KIFC2: variants seen among roughly 807,000 people sequenced by gnomAD.
The protein encoded by KIFC2 is kinesin-like protein KIFC2.
KIFC2 carries 94 observed loss-of-function variants against 91.5 expected under a neutral mutation model. The observed-to-expected ratio is 1.03, with a 90% CI of 0.87 to 1.22. KIFC2 has a LOEUF of 1.22. KIFC2 is among the 50% of genes most tolerant of loss of function. KIFC2 has a pLI of 0.00. For synonymous variants in KIFC2, 729 were observed against 503.9 expected (o/e 1.45, Z -5.98); for missense variants, 1,357 against 1,103.3 (o/e 1.23, Z -3.26).
Position 144,472,906 on chromosome 8 carries a change from C to A in KIFC2, c.1973C>A (p.Thr658Asn). The A allele has an allele frequency of 6.6e-7, 1 of 1,503,800 alleles. No homozygotes were observed. 93.2% of individuals were successfully genotyped at this position (1,503,800 alleles called of 1,614,324 possible). Residue 658 changes from threonine to asparagine, a missense_variant, in exon 17 of 18, where the codon ACC becomes AAC. Physicochemically the swap from Thr to Asn is moderately conservative, Grantham distance 65. Coordinates refer to ENST00000645548, the MANE Select transcript of KIFC2 (RefSeq NM_001369769.2). Reference sequence around the variant, plus strand: ...GCCCGGCGCCTGCGGGAGGCCCAGACCATAAACCGCTCGCTGCTGGCGCTA... The same window carrying A: ...GCCCGGCGCCTGCGGGAGGCCCAGAACATAAACCGCTCGCTGCTGGCGCTA... ...DGARRLREAQ[T>N]INRSLLALGG... is the part of the protein sequence containing the mutation.
chr8:144,467,160 C>T (rs1824694643), intron 3 of KIFC2, 43 bp from the exon 4 acceptor site: 1 of 1,612,886 alleles, frequency 6.2e-7, no homozygotes, highest in African/African-American at 1.3e-5. Context: ...CCCCGGCCTT[C>T]CTGGCTTTCA....
In KIFC2 at chr8:144,467,938, G is replaced by T; in HGVS notation, c.761G>T (p.Arg254Leu). 6.2e-7 allele frequency: 1 copy of T among 1,607,192 alleles called. No individual in the cohort carries two copies. The part of the protein sequence containing the change: ...EALKQSLSLM[R>L]DLLLHWGPGP... ...CTGAAGCAGAGCCTGAGTCTCATGC[G>T]GGACCTCCTGCTGCACTGGGGCCCC... Residue 254 changes from arginine to leucine, a missense_variant, in exon 7 of 18, where the codon CGG (arginine) becomes CTG (leucine). Physicochemically the swap from Arg to Leu is moderately radical, Grantham distance 102. Transcript: ENST00000645548.
chr8:144,472,726 A>T lies in KIFC2; in HGVS notation c.1861+20A>T. 6.3e-7 allele frequency: 1 copy of T among 1,592,298 alleles called. No individual in the cohort carries two copies. The highest frequency in any genetic ancestry group is 8.5e-7 in the Non-Finnish European group (1 of 1,176,912). Reference sequence around the variant, plus strand: ...CCGCAGGTACCACGGCCGGTGCCTGAGCCCTGCGGAGTCTCCAGAGCACCC... The same window carrying T: ...CCGCAGGTACCACGGCCGGTGCCTGTGCCCTGCGGAGTCTCCAGAGCACCC... On this transcript the variant is annotated intron_variant, in intron 16 of 17. Coordinates refer to ENST00000645548, the MANE Select transcript of KIFC2 (RefSeq NM_001369769.2).
rs746497996 is a variant in KIFC2, at chr8:144,473,176, C to A, written c.2163C>A (p.Leu721=). Residue 721 remains leucine, a synonymous_variant, in exon 18 of 18, where the codon CTC becomes CTA. Transcript: ENST00000645548. The part of the protein sequence containing the change: ...PEDLGETVCS[L]KFADRVGQVE... ...ATCTCGGGGAGACAGTCTGCTCCCT[C>A]AAGTTCGCCGACCGAGTGGGTCAAG... The A allele has an allele frequency of 5.7e-6, 9 of 1,579,534 alleles. No homozygotes were observed. The East Asian group carries it at 2.1e-4, about 37-fold the overall frequency.
chr8:144,467,339 A>T lies in KIFC2; in HGVS notation c.467A>T (p.Asp156Val), dbSNP rs773802755. 1.9e-6 allele frequency: 3 copies of T among 1,604,082 alleles called. No individual in the cohort carries two copies. Among genetic ancestry groups the T allele is most frequent in the Admixed American group, 3.4e-5 (2 of 58,384 alleles). The part of the protein sequence containing the change: ...PAPRVRPPSP[D>V]GSTSQEESPS... ...CCTCGGGTCCGGCCCCCCTCTCCAGATGGTGAGTAAAGGACAGTAAGTTGA... is the reference window on the plus strand; with the variant it reads ...CCTCGGGTCCGGCCCCCCTCTCCAGTTGGTGAGTAAAGGACAGTAAGTTGA... Residue 156 changes from aspartate (D) to valine (V), a missense_variant and splice_region_variant, in exon 4 of 18, where the codon GAT (aspartate) becomes GTT (valine). Transcript: ENST00000645548.
chr8:144,468,945 C>T, intron 10 of KIFC2, 111 bp downstream of exon 10: 1 of 832,186 alleles, frequency 1.2e-6, no homozygotes, highest in Non-Finnish European at 1.9e-6. Flanking sequence ...GCTCTGGAAC[C>T]CAAACAGCTT....
In KIFC2 at chr8:144,467,720, GAGCTGAAGCAGC is replaced by G; in HGVS notation, c.628_639del (p.Lys210_Leu213del). The G allele has an allele frequency of 6.2e-7, 1 of 1,613,880 alleles. No individual in the cohort carries two copies. Among genetic ancestry groups the G allele is most frequent in the Non-Finnish European group, 8.5e-7 (1 of 1,179,950 alleles). ...CTCTCTTACTTCTCCCCAGCTGGAG[GAGCTGAAGCAGC>G]AGCTGGAACAGCAGGAGGAGGAGTT... On this transcript the variant is annotated inframe_deletion, in exon 6 of 18. Transcript: ENST00000645548.
chr8:144,469,075 T>C (rs1357704264), intron 10 of KIFC2, among the ~76,000 whole-genome samples, 196 bp from the exon 11 acceptor site: 1 of 152,198 alleles, frequency 6.6e-6, no homozygotes, highest in African/African-American at 2.4e-5. Context: ...GATGTGGTGT[T>C]CCTGCCTGTC....
At chr8:144,467,141 T>C (rs769483233) in intron 3 of KIFC2, 31 bp downstream of exon 3, 1 of 1,610,364 alleles carries the variant, frequency 6.2e-7, no homozygotes. Flanking sequence ...TGCTGGCAGG[T>C]ACCACCTGCC....
At chr8:144,468,497 C>G (rs1417721097) in intron 8 of KIFC2, 39 bp from the exon 9 acceptor site, 2 of 1,098,036 alleles carry the variant, frequency 1.8e-6, no homozygotes, top group East Asian at 5.9e-5. Flanking sequence ...TGGTAAGTGC[C>G]TGTTTCCTCA....
chr8:144,468,245 C>T (rs531396107), intron 7 of KIFC2, 84 bp from the exon 8 acceptor site: 142 of 1,285,334 alleles, frequency 1.1e-4, no homozygotes, highest in Middle Eastern at 1.8e-4. Context: ...GCTCTGCCCA[C>T]CTCTTGACTT....
chr8:144,473,541 C>G lies in KIFC2; in HGVS notation c.*152C>G. On this transcript the variant is annotated 3_prime_UTR_variant, in exon 18 of 18. Coordinates refer to ENST00000645548, the MANE Select transcript of KIFC2 (RefSeq NM_001369769.2). ...AGCTCCCAGAGTCACCCCTCCACCTCCGCAGCCAGTGAAGTGTGTTGTGCC... is the reference window on the plus strand; with the variant it reads ...AGCTCCCAGAGTCACCCCTCCACCTGCGCAGCCAGTGAAGTGTGTTGTGCC... 1 of 1,212,576 alleles carries G rather than the reference C, an allele frequency of 8.2e-7. No homozygotes were observed. Among genetic ancestry groups the G allele is most frequent in the Non-Finnish European group, 1.1e-6 (1 of 904,980 alleles). 75.1% of individuals were successfully genotyped at this position (1,212,576 alleles called of 1,614,324 possible).
At chr8:144,466,236 G>A (rs906021494), upstream of KIFC2, 2 of 193,720 alleles carry the variant, frequency 1.0e-5, no homozygotes, top group East Asian at 2.7e-4. Context: ...CGGGTCTCCA[G>A]GTGCGGCCGC....
chr8:144,466,620 GGCCGT>G, intron 1 of KIFC2, 102 bp downstream of exon 1: 1 of 870,536 alleles, frequency 1.1e-6, no homozygotes, highest in Admixed American at 4.3e-5. Context: ...GGGGCGACGG[GGCCGT>G]GCCGAGGACC....
chr8:144,472,311 T>TC, intron 14 of KIFC2, 50 bp from the exon 15 acceptor site: 1 of 1,613,420 alleles, frequency 6.2e-7, no homozygotes, highest in East Asian at 2.2e-5. Context: ...CCAGGGCCCT[T>TC]CCGGATTTCC....
At chr8:144,471,334 G>T (rs1339701079) in intron 12 of KIFC2, among the ~76,000 whole-genome samples, 1 of 142,986 alleles carries the variant, frequency 7.0e-6, no homozygotes, top group Non-Finnish European at 1.5e-5. Context: ...TTTTTTTTTG[G>T]ACAGTCACAC....
chr8:144,466,474 G>T lies in KIFC2; in HGVS notation c.55G>T (p.Asp19Tyr). The T allele has an allele frequency of 1.5e-6, 2 of 1,346,024 alleles. No individual in the cohort carries two copies. Among genetic ancestry groups the T allele is most frequent in the Non-Finnish European group, 1.9e-6 (2 of 1,038,868 alleles). The allele number at this position is 1,346,024 out of a possible 1,614,324, so 83.4% of individuals were successfully genotyped here. Residue 19 changes from aspartate to tyrosine, a missense_variant, in exon 1 of 18, where the codon GAT (aspartate) becomes TAT (tyrosine). Asp to Tyr is a radical substitution (Grantham distance 160). Coordinates refer to ENST00000645548, the MANE Select transcript of KIFC2 (RefSeq NM_001369769.2). ...CATCTTCTACAGCCTCTTCCGCAGGGATGGTGGCGCCGCGGCGGCCGCGGA... is the reference window on the plus strand; with the variant it reads ...CATCTTCTACAGCCTCTTCCGCAGGTATGGTGGCGCCGCGGCGGCCGCGGA... ...IYIFYSLFRR[D>Y]GGAAAAAEPG...
At chr8:144,467,674 G>C in intron 5 of KIFC2, 40 bp from the exon 6 acceptor site, 1 of 1,607,972 alleles carries the variant, frequency 6.2e-7, no homozygotes, top group Admixed American at 1.7e-5. Flanking sequence ...TGGGACGCCA[G>C]AAAAAGGAGG....
chr8:144,472,669 G>A lies in KIFC2; in HGVS notation c.1824G>A (p.Leu608=). Residue 608 remains leucine (L), a synonymous_variant, in exon 16 of 18, where the codon CTG becomes CTA. Coordinates refer to ENST00000645548, the MANE Select transcript of KIFC2 (RefSeq NM_001369769.2). ...CGCATGCCCTGGTCACGCTGACGCT[G>A]CGCGCGGCGTCTCCACCGCGCGCTC... ...SRSHALVTLT[L]RAASPPRAPG... is the part of the protein sequence containing the mutation. 2.5e-6 allele frequency: 4 copies of A among 1,596,970 alleles called. No individual in the cohort carries two copies. Among genetic ancestry groups the A allele is most frequent in the Non-Finnish European group, 2.5e-6 (3 of 1,178,440 alleles).
Sources: gnomAD v4.1 joint callset for allele counts (sites outside exome capture counted in the v4.1 genomes callset) on GRCh38, gnomAD v4.1.1 for gene constraint, MANE v1.5 for transcripts, NCBI Gene and HGNC (gene_info 2026-07-23, HGNC 2026-07-21) for gene names.